ODF2: variants seen among roughly 807,000 people sequenced by gnomAD.
The protein encoded by ODF2 is outer dense fiber of sperm tails 2, also known as outer dense fiber protein 2.
In ODF2, 47 loss-of-function variants were observed where a neutral mutation model predicts 110.2. That is an observed-to-expected ratio of 0.43 (90% confidence interval 0.34 to 0.54). The LOEUF (loss-of-function observed/expected upper bound fraction) is 0.54. ODF2 is among the 20% of genes least tolerant of loss of function. The pLI, the probability that ODF2 is intolerant of heterozygous loss-of-function variation, is 0.03. For missense variants in ODF2, 812 were observed against 1,054.5 expected, an observed-to-expected ratio of 0.77 and a Z score of 3.19; for synonymous variants, 352 against 397.7, an observed-to-expected ratio of 0.89 and a Z score of 1.37.
chr9:128,483,976 G>A (rs778350829), exon 11 of ODF2: 1 of 1,613,870 alleles, frequency 6.2e-7, no homozygotes, highest in Non-Finnish European at 8.5e-7. Flanking sequence ...CTAAATCCAT[G>A]GAGTCCATGC....
rs564439799 is a variant in ODF2 at position 128,485,478 on chromosome 9, C to A, written c.1400+4C>A. The A allele has an allele frequency of 2.2e-5, 33 of 1,490,000 alleles. No homozygotes were observed. In the South Asian group the frequency reaches 3.5e-4, roughly 16 times the overall value. 92.3% of individuals were successfully genotyped at this position (1,490,000 alleles called of 1,614,324 possible). ...TGGAAATTATTGTCCTGAATGAGTACGTCTTAGAGTAGGAGAGGGAATGTG... is the reference window on the plus strand; with the variant it reads ...TGGAAATTATTGTCCTGAATGAGTAAGTCTTAGAGTAGGAGAGGGAATGTG... On this transcript the variant is annotated splice_donor_region_variant and intron_variant, in intron 13 of 20. Coordinates refer to ENST00000604420, the Ensembl canonical transcript of ODF2. This position sits in a 1 kb window ranked among gnomAD's most constrained non-coding sequence, Gnocchi z 5.0.
At chr9:128,467,642 G>A (rs1838583623) in intron 4 of ODF2, among the ~76,000 whole-genome samples, 1 of 151,642 alleles carries the variant, frequency 6.6e-6, no homozygotes, top group Non-Finnish European at 1.5e-5. Flanking sequence ...CTAGTCGGGA[G>A]GCTGAGGCAG....
At chr9:128,470,018 AATAT>A (rs769896764) in intron 5 of ODF2, among the ~76,000 whole-genome samples, 1,098 of 16,976 alleles carry the variant, frequency 0.065, 76 homozygotes, top group African/African-American at 0.074. Flanking sequence ...AAAAAAAAAA[AATAT>A]ATATATATAT....
Position 128,481,796 on chromosome 9 carries a change from ATGTCCTCC to A in ODF2, c.915+150_915+157del, listed in dbSNP as rs1842449105. On this transcript the variant is annotated intron_variant, in intron 9 of 20. Coordinates refer to ENST00000604420, the Ensembl canonical transcript of ODF2. ...GTTTCACGATCTGTAAAATGGGCTG[ATGTCCTCC>A]TGTCACGCTTGTTCTGATAGGCTTG... 3.5e-5 allele frequency: 21 copies of A among 600,436 alleles called. No homozygotes were observed. The East Asian group carries it at 5.9e-4, about 17-fold the overall frequency. The allele number at this position is 600,436 out of a possible 1,614,324, so 37.2% of individuals were successfully genotyped here. A position where few individuals can be genotyped will look rare whatever the true frequency, so the allele number is the denominator to read the frequency against.
chr9:128,463,450 C>G (rs912970186), intron 4 of ODF2, among the ~76,000 whole-genome samples: 3 of 152,160 alleles, frequency 2.0e-5, no homozygotes, highest in Non-Finnish European at 4.4e-5. Context: ...GAGACCCTGC[C>G]TCTACAAAAG....
intron 8 of ODF2, among the ~76,000 whole-genome samples, chr9:128,477,074 C>G (rs927816792): frequency 6.6e-6 from 1 of 151,284 alleles, no homozygotes; most frequent in Non-Finnish European, 1.5e-5. Flanking sequence ...TGACACCCCA[C>G]CTCTACTGAA....
At chr9:128,457,236 C>G (rs759921308) in exon 2 of ODF2, 6 of 1,591,438 alleles carry the variant, frequency 3.8e-6, no homozygotes, top group African/African-American at 1.3e-5. Flanking sequence ...AGGAGCGCCT[C>G]CCAAGTTTTC....
In ODF2 at chr9:128,460,373, C is replaced by T. The variant is rs923647297; in HGVS notation, c.124-569C>T. On this transcript the variant is annotated intron_variant, in intron 3 of 20. Coordinates refer to ENST00000604420, the Ensembl canonical transcript of ODF2. Reference sequence around the variant, plus strand: ...TCTTCTGCTGGGATCTCTGCAGGAGCCTGCTGAATGATACTCCCGCCTTAC... The same window carrying T: ...TCTTCTGCTGGGATCTCTGCAGGAGTCTGCTGAATGATACTCCCGCCTTAC... 3.5e-6 allele frequency: 5 copies of T among 1,409,836 alleles called. No homozygotes were observed. The African/African-American group carries it at 5.7e-5, about 16-fold the overall frequency. The allele number at this position is 1,409,836 out of a possible 1,614,324, so 87.3% of individuals were successfully genotyped here.
intron 3 of ODF2, 60 bp downstream of exon 2, chr9:128,459,717 C>CCTCCTAGAAACGGTGTGCAAA: frequency 1.5e-6 from 2 of 1,347,380 alleles, no homozygotes; most frequent in Non-Finnish European, 2.1e-6. Context: ...TGCTTTTGCA[C>CCTCCTAGAAACGGTGTGCAAA]ACCGTTTCTA....
intron 8 of ODF2, among the ~76,000 whole-genome samples, chr9:128,476,607 G>A (rs1475398086): frequency 2.0e-5 from 3 of 150,278 alleles, no homozygotes; most frequent in African/African-American, 4.9e-5. Flanking sequence ...TGTTTGTTTC[G>A]TTTTGTTTTA....
At chr9:128,469,404 G>C (rs1221891508) in intron 5 of ODF2, 51 bp downstream of exon 5, 1 of 1,581,474 alleles carries the variant, frequency 6.3e-7, no homozygotes, top group African/African-American at 1.3e-5. Flanking sequence ...ATGTGCAGGA[G>C]CACCCAGGTG....
chr9:128,492,656 A>G, intron 15 of ODF2, 45 bp from the exon 16 acceptor site: 5 of 1,589,212 alleles, frequency 3.1e-6, no homozygotes, highest in Non-Finnish European at 4.3e-6. Flanking sequence ...TTTTCATCAA[A>G]ACGTGGCTCT....
At chr9:128,476,786 G>T (rs565301606) in intron 8 of ODF2, among the ~76,000 whole-genome samples, 1 of 150,988 alleles carries the variant, frequency 6.6e-6, no homozygotes, top group Admixed American at 6.6e-5. Context: ...TTACAGGTGC[G>T]TGCCACCATG....
At chr9:128,455,552 TCAAAAAAAAAAAAAAAAAA>T (rs1200679112), upstream of ODF2, among the ~76,000 whole-genome samples, 2 of 48,090 alleles carry the variant, frequency 4.2e-5, no homozygotes, top group African/African-American at 9.4e-5. Flanking sequence ...AGAATCTGTC[TCAAAAAAAAAAAAAAAAAA>T]AAAAAAAAAA....
exon 20 of ODF2, chr9:128,499,029 C>T (rs1846118968): frequency 6.2e-7 from 1 of 1,614,064 alleles, no homozygotes; most frequent in African/African-American, 1.3e-5. Flanking sequence ...CACGCACTCT[C>T]CAAGGAGCGA....
At chr9:128,500,034 A>G in intron 20 of ODF2, 33 bp from the exon 21 acceptor site, 1 of 1,612,944 alleles carries the variant, frequency 6.2e-7, no homozygotes, top group Non-Finnish European at 8.5e-7. Flanking sequence ...TGGACACTGC[A>G]CAGCGGGCCC....
chr9:128,469,803 G>A lies in ODF2; in HGVS notation c.420+450G>A, dbSNP rs150342552. Among the ~76,000 whole-genome samples, 618 of 150,078 alleles carry A rather than the reference G, an allele frequency of 4.1e-3. 4 individuals carry two copies. Among genetic ancestry groups the A allele is most frequent in the Non-Finnish European group, 6.9e-3 (467 of 67,580 alleles). The stretch of plus-strand genomic sequence containing the variant: ...AGTTCGAGACCAGCCTGACCAACAC[G>A]GTGAAACCCTGTCTCTACTAAAAAA... On this transcript the variant is annotated intron_variant, in intron 5 of 20. Coordinates refer to ENST00000604420, the Ensembl canonical transcript of ODF2.
chr9:128,484,738 T>C, exon 12 of ODF2: 2 of 1,594,408 alleles, frequency 1.3e-6, no homozygotes, highest in African/African-American at 1.3e-5. Context: ...AAGGCAGAAG[T>C]GGAGGCCATC....
intron 4 of ODF2, chr9:128,461,381 G>A: frequency 3.6e-6 from 1 of 279,590 alleles, no homozygotes; most frequent in South Asian, 7.0e-5. Context: ...TAGCCTCTCT[G>A]CTTTGCTTGT....
Sources: gnomAD v4.1 joint callset for allele counts (sites outside exome capture counted in the v4.1 genomes callset) on GRCh38, gnomAD v4.1.1 for gene constraint, Gnocchi (gnomAD v3.1) non-coding constraint, MANE v1.5 for transcripts, NCBI Gene and HGNC (gene_info 2026-07-23, HGNC 2026-07-21) for gene names.